SLC13A1: variants seen among roughly 807,000 people sequenced by gnomAD.
SLC13A1 encodes solute carrier family 13 member 1, also known as Na(+)/sulfate cotransporter.
In SLC13A1, 65 loss-of-function variants were observed where a neutral mutation model predicts 70.0. The observed-to-expected ratio is 0.93, with a 90% CI of 0.76 to 1.14. The LOEUF is 1.14. Ranked by LOEUF, SLC13A1 falls within the 50% of genes most tolerant of loss-of-function variation. SLC13A1 has a pLI of 0.00. For missense variants in SLC13A1, 726 were observed against 717.8 expected, an observed-to-expected ratio of 1.01 and a Z score of -0.13; for synonymous variants, 275 against 250.5, an observed-to-expected ratio of 1.10 and a Z score of -0.92.
intron 1 of SLC13A1, among the ~76,000 whole-genome samples, chr7:123,198,601 G>C (rs1273865514): frequency 6.6e-6 from 1 of 152,052 alleles, no homozygotes; most frequent in Non-Finnish European, 1.5e-5. Context: ...CTCCAGCTTT[G>C]CAGGTAGGAT....
At chr7:123,167,079 CTT>C (rs1480298956) in intron 6 of SLC13A1, among the ~76,000 whole-genome samples, 1 of 152,166 alleles carries the variant, frequency 6.6e-6, no homozygotes, top group Non-Finnish European at 1.5e-5. Context: ...ATTAGGAACA[CTT>C]TTACACTGTT....
chr7:123,132,286 G>A, intron 8 of SLC13A1, among the ~76,000 whole-genome samples: 1 of 152,192 alleles, frequency 6.6e-6, no homozygotes, highest in Admixed American at 6.5e-5. Flanking sequence ...GAGGAATCAA[G>A]AGGGGAGAAT....
At chr7:123,134,118 G>A (rs942471407) in intron 8 of SLC13A1, among the ~76,000 whole-genome samples, 2 of 151,776 alleles carry the variant, frequency 1.3e-5, no homozygotes, top group Non-Finnish European at 2.9e-5. Flanking sequence ...AACTCAGAGA[G>A]GATTGCGCAA....
Position 123,199,965 on chromosome 7 carries a change from T to C in SLC13A1, c.-19A>G, listed in dbSNP as rs1796304543. On this transcript the variant is annotated 5_prime_UTR_variant, in exon 1 of 15. Transcript: ENST00000194130. ...ATTTCATTGTCCTGAGCAGGTGGCT[T>C]CAATAGTGTCCTCCAAATAAAGCAG... 5.2e-6 allele frequency: 8 copies of C among 1,531,310 alleles called. No homozygotes were observed. Among genetic ancestry groups the C allele is most frequent in the Non-Finnish European group, 7.2e-6 (8 of 1,108,702 alleles). The allele number at this position is 1,531,310 out of a possible 1,614,324, so 94.9% of individuals were successfully genotyped here. A position where few individuals can be genotyped will look rare whatever the true frequency, so the allele number is the denominator to read the frequency against.
intron 1 of SLC13A1, among the ~76,000 whole-genome samples, chr7:123,197,391 A>G (rs1426737368): frequency 6.6e-6 from 1 of 152,126 alleles, no homozygotes; most frequent in African/African-American, 2.4e-5. Context: ...TTGTGTCTTT[A>G]GAAGCATAGA....
chr7:123,184,896 G>A (rs181665042), intron 1 of SLC13A1, among the ~76,000 whole-genome samples: 27 of 152,082 alleles, frequency 1.8e-4, no homozygotes, highest in African/African-American at 5.5e-4. Context: ...AGGGAATGCT[G>A]TGTTATTTTT....
At chr7:123,169,376 C>T (rs373763688) in intron 3 of SLC13A1, 41 bp from the exon 4 acceptor site, 1 of 1,559,772 alleles carries the variant, frequency 6.4e-7, no homozygotes, top group Non-Finnish European at 8.8e-7. Context: ...GTGCTCTTAG[C>T]TTAACTAGCA....
Position 123,119,176 on chromosome 7 carries a change from T to C in SLC13A1, c.1417A>G (p.Ile473Val), listed in dbSNP as rs1178894951. ...ACCATCAAAGAAGATATCAGAATTA[T>C]TAGCCATGCTGGTAATGAACCCAGA... ...SPLGSLPAWLIILISSLMVTS... is the reference protein window; with the variant it reads ...SPLGSLPAWLVILISSLMVTS... The change falls in exon 13 of 15, where the codon ATA becomes GTA. Residue 473 changes from isoleucine to valine, a missense_variant. Transcript: ENST00000194130. The C allele has an allele frequency of 6.2e-7, 1 of 1,612,320 alleles. No individual in the cohort carries two copies. The highest frequency in any genetic ancestry group is 2.2e-5 in the East Asian group (1 of 44,818).
At chr7:123,185,717 GC>G (rs1187489731) in intron 1 of SLC13A1, among the ~76,000 whole-genome samples, 1 of 151,908 alleles carries the variant, frequency 6.6e-6, no homozygotes, top group African/African-American at 2.4e-5. Flanking sequence ...GTAGTGTGAT[GC>G]CCCCCAGCTT....
chr7:123,147,893 C>T (rs976378069), intron 6 of SLC13A1, among the ~76,000 whole-genome samples: 1 of 152,124 alleles, frequency 6.6e-6, no homozygotes, highest in Non-Finnish European at 1.5e-5. Flanking sequence ...CACCACTACT[C>T]CCAAAGCTTT....
intron 6 of SLC13A1, among the ~76,000 whole-genome samples, chr7:123,149,938 T>A (rs1794496948): frequency 6.6e-6 from 1 of 152,170 alleles, no homozygotes; most frequent in Admixed American, 6.5e-5. Context: ...CTCTTTCTTG[T>A]CTTTTCTTGA....
At chr7:123,196,369 C>A (rs1313829586) in intron 1 of SLC13A1, among the ~76,000 whole-genome samples, 2 of 152,040 alleles carry the variant, frequency 1.3e-5, no homozygotes, top group African/African-American at 4.8e-5. Flanking sequence ...AGATTCACAG[C>A]AATGTACTAG....
intron 8 of SLC13A1, among the ~76,000 whole-genome samples, chr7:123,133,779 C>T (rs1345414915): frequency 6.6e-6 from 1 of 152,022 alleles, no homozygotes; most frequent in Non-Finnish European, 1.5e-5. Flanking sequence ...ATCCAACTGC[C>T]TTGATCTCCC....
chr7:123,191,620 C>A (rs1164417932), intron 1 of SLC13A1, among the ~76,000 whole-genome samples: 3 of 152,108 alleles, frequency 2.0e-5, no homozygotes, highest in Non-Finnish European at 2.9e-5. Flanking sequence ...GACAGATAAA[C>A]CTGTTTTCTG....
Position 123,129,471 on chromosome 7 carries a change from TCTC to T in SLC13A1, c.940_942del (p.Glu314del). On this transcript the variant is annotated inframe_deletion, in exon 9 of 15. Coordinates refer to ENST00000194130, the MANE Select transcript of SLC13A1 (RefSeq NM_022444.4). ...GTTTTGGTTTTGCCACATTTGAACA[TCTC>T]CTTAAAACTGCAAAGAATAATTAAG... 2 of 1,613,018 alleles carry T rather than the reference TCTC, an allele frequency of 1.2e-6. No homozygotes were observed. The highest frequency in any genetic ancestry group is 1.7e-6 in the Non-Finnish European group (2 of 1,179,390).
chr7:123,139,140 C>G (rs1794048208), intron 7 of SLC13A1, among the ~76,000 whole-genome samples: 2 of 152,080 alleles, frequency 1.3e-5, no homozygotes, highest in South Asian at 4.2e-4. Context: ...ATATGGATAT[C>G]CAGAGTTCCC....
At chr7:123,119,694 T>C (rs1010361665) in intron 12 of SLC13A1, among the ~76,000 whole-genome samples, 2 of 152,036 alleles carry the variant, frequency 1.3e-5, no homozygotes, top group South Asian at 2.1e-4. Flanking sequence ...ATTTTAATTA[T>C]GATTTTTGCT....
At position 123,142,638 on chromosome 7, in the gene SLC13A1, C is replaced by CT. The variant is rs753775300; in HGVS notation, c.812+4520dup. ...TGAGTCTTGCTTTCAGGGGCAAGAA[C>CT]TTTTTTTTTTTTTTTTTGATGGAGG... On this transcript the variant is annotated intron_variant, in intron 7 of 14. Transcript: ENST00000194130. Among the ~76,000 whole-genome samples the CT allele has an allele frequency of 1.8e-3, 219 of 118,802 alleles. 5 individuals are homozygous for CT. Among genetic ancestry groups the CT allele is most frequent in the South Asian group, 0.012 (43 of 3,614 alleles). 77.9% of individuals were successfully genotyped at this position (118,802 alleles called of 152,430 possible).
chr7:123,184,713 A>T (rs527275918), intron 1 of SLC13A1, among the ~76,000 whole-genome samples: 1 of 151,772 alleles, frequency 6.6e-6, no homozygotes, highest in Non-Finnish European at 1.5e-5. Context: ...TTCTTTATCC[A>T]TTCATCTGTT....
Sources: gnomAD v4.1 joint callset for allele counts (sites outside exome capture counted in the v4.1 genomes callset) on GRCh38, gnomAD v4.1.1 for gene constraint, MANE v1.5 for transcripts, NCBI Gene and HGNC (gene_info 2026-07-23, HGNC 2026-07-21) for gene names.